The following SVOPL variants were observed in gnomAD, a reference collection of about 807,000 sequenced individuals.
SVOPL encodes SVOP like.
In SVOPL, 60 loss-of-function variants were observed where a neutral mutation model predicts 61.0. The observed-to-expected ratio is 0.98, with a 90% confidence interval of 0.80 to 1.22. The LOEUF is 1.22. Among genes scored for constraint, SVOPL ranks in the 50% most tolerant of loss-of-function variants. The pLI is 0.00. For missense variants in SVOPL, 662 were observed against 643.9 expected (o/e 1.03, Z -0.30); for synonymous variants, 279 against 250.0 (o/e 1.12, Z -1.09).
At position 138,627,441 on chromosome 7, in the gene SVOPL, C is replaced by A; in HGVS notation, c.1090G>T (p.Gly364Cys). The change falls in exon 12 of 16, where the codon GGC (glycine) becomes TGC (cysteine). Residue 364 changes from glycine (G) to cysteine (C), a missense_variant. Coordinates refer to ENST00000674285, the MANE Select transcript of SVOPL (RefSeq NM_001139456.2). Reference protein sequence around the residue: ...EIALNPLNILGINFLGRRLSL... With the variant: ...EIALNPLNILCINFLGRRLSL... ...AGCCGTCTTCCCAGGAAATTGATGCCCAGTATATTTAAAGGATTCACTAGA... is the reference window on the plus strand; with the variant it reads ...AGCCGTCTTCCCAGGAAATTGATGCACAGTATATTTAAAGGATTCACTAGA... 6.2e-7 allele frequency: 1 copy of A among 1,613,502 alleles called. No individual in the cohort carries two copies. Among genetic ancestry groups the A allele is most frequent in the Non-Finnish European group, 8.5e-7 (1 of 1,179,550 alleles).
At chr7:138,634,430 G>A (rs1020841375) in intron 9 of SVOPL, among the ~76,000 whole-genome samples, 1 of 151,594 alleles carries the variant, frequency 6.6e-6, no homozygotes, top group Non-Finnish European at 1.5e-5. Context: ...ATCACCTGGG[G>A]CCAGAAATTT....
chr7:138,691,332 A>T (rs1050638592), intron 1 of SVOPL, among the ~76,000 whole-genome samples: 2 of 152,208 alleles, frequency 1.3e-5, no homozygotes, highest in African/African-American at 2.4e-5. Flanking sequence ...TTCAGTCTTC[A>T]GTCAACATTA....
Position 138,649,127 on chromosome 7 carries a change from A to G in SVOPL, c.545T>C (p.Leu182Pro), listed in dbSNP as rs1191966094. 1 of 1,613,774 alleles carries G rather than the reference A, an allele frequency of 6.2e-7. No individual in the cohort carries two copies. The highest frequency in any genetic ancestry group is 1.7e-5 in the Admixed American group (1 of 59,952). Residue 182 changes from leucine (L) to proline (P), a missense_variant, in exon 8 of 16, where the codon CTT becomes CCT. Coordinates refer to ENST00000674285, the MANE Select transcript of SVOPL (RefSeq NM_001139456.2). The part of the protein sequence containing the change: ...YMLPLSQVFW[L>P]AGSLLIIGLA... ...GCCAATGATGAGCAGGGAGCCCGCA[A>G]GCCAGAACACCTAGGAAGAGAGAAG... is the stretch of plus-strand genomic sequence containing the variant.
In SVOPL at chr7:138,621,834, C is replaced by CTATCTATCTATCTATCTATG. The variant is rs1563095457; in HGVS notation, c.1264-700_1264-699insCATAGATAGATAGATAGATA. Among the ~76,000 whole-genome samples, 5 of 65,240 alleles carry CTATCTATCTATCTATCTATG rather than the reference C, an allele frequency of 7.7e-5. 1 individual carries two copies. Among genetic ancestry groups the CTATCTATCTATCTATCTATG allele is most frequent in the African/African-American group, 2.4e-4 (4 of 16,592 alleles). 42.8% of individuals were successfully genotyped at this position (65,240 alleles called of 152,430 possible). On this transcript the variant is annotated intron_variant, in intron 13 of 15. Coordinates refer to ENST00000674285, the MANE Select transcript of SVOPL (RefSeq NM_001139456.2). ...TCTATGTATCTATGTATCTATGTAT[C>CTATCTATCTATCTATCTATG]TATCTATCTATGTATCTATCTATCT...
At chr7:138,613,691 A>T (rs146569934) in intron 14 of SVOPL, among the ~76,000 whole-genome samples, 2 of 152,182 alleles carry the variant, frequency 1.3e-5, no homozygotes, top group African/African-American at 4.8e-5. Context: ...CACTAATCAC[A>T]ATCTGGAATT....
chr7:138,663,103 G>T lies in SVOPL; in HGVS notation c.316C>A (p.Leu106Ile), dbSNP rs369022425. The T allele has an allele frequency of 1.9e-6, 3 of 1,614,030 alleles. No individual in the cohort carries two copies. The African/African-American group carries it at 4.0e-5, about 22-fold the overall frequency. The change falls in exon 5 of 16, where the codon CTC (leucine) becomes ATC (isoleucine). Residue 106 changes from leucine to isoleucine, a missense_variant. Transcript: ENST00000674285. ...CAGCGGCCATATCTGTCAGCCAGGA[G>T]GCCAAAGAGGATACTGAAAACCATG... is the stretch of plus-strand genomic sequence containing the variant. ...GYMVFSILFG[L>I]LADRYGRWKI...
chr7:138,598,491 G>C (rs1251044589), intron 14 of SVOPL, among the ~76,000 whole-genome samples: 2 of 152,112 alleles, frequency 1.3e-5, no homozygotes, highest in African/African-American at 4.8e-5. Flanking sequence ...ACACTTGTAG[G>C]ACAGGCCACC....
chr7:138,697,184 A>G (rs2117150012), intron 1 of SVOPL, among the ~76,000 whole-genome samples: 1 of 152,322 alleles, frequency 6.6e-6, no homozygotes, highest in Non-Finnish European at 1.5e-5. Context: ...CAGCCTAGGC[A>G]ACAGAGTGAG....
intron 14 of SVOPL, among the ~76,000 whole-genome samples, chr7:138,612,743 G>C (rs527910743): frequency 2.0e-4 from 30 of 152,170 alleles, no homozygotes; most frequent in Non-Finnish European, 3.8e-4. Flanking sequence ...TCGAACTCCT[G>C]ACCTCAGATG....
intron 13 of SVOPL, among the ~76,000 whole-genome samples, chr7:138,622,800 G>T (rs551591665): frequency 7.4e-4 from 112 of 152,228 alleles, no homozygotes; most frequent in Non-Finnish European, 1.2e-3. Context: ...GATATTTATA[G>T]TAAAATCTAA....
At chr7:138,666,949 T>C (rs1163931059) in intron 4 of SVOPL, among the ~76,000 whole-genome samples, 2 of 152,340 alleles carry the variant, frequency 1.3e-5, no homozygotes, top group East Asian at 3.9e-4. Context: ...CACTGGAGAC[T>C]GTCTCTTTCA....
intron 14 of SVOPL, among the ~76,000 whole-genome samples, chr7:138,601,373 A>C (rs1173887623): frequency 1.3e-5 from 2 of 152,156 alleles, no homozygotes; most frequent in Non-Finnish European, 2.9e-5. Flanking sequence ...TCAAGTGTCC[A>C]CCAACAGATG....
At chr7:138,597,576 TA>T (rs34853135) in intron 14 of SVOPL, among the ~76,000 whole-genome samples, 113,537 of 151,880 alleles carry the variant, frequency 0.75, 43,437 homozygotes, top group African/African-American at 0.89. Context: ...TGACAGGTAC[TA>T]ATGCTGATTT....
chr7:138,670,141 T>C (rs1205578848), intron 4 of SVOPL, among the ~76,000 whole-genome samples: 2 of 152,224 alleles, frequency 1.3e-5, no homozygotes, highest in Non-Finnish European at 2.9e-5. Flanking sequence ...AAATCCATTT[T>C]GGCTTTAACT....
At chr7:138,660,040 A>C (rs1801935799) in intron 5 of SVOPL, 52 bp from the exon 6 acceptor site, 1 of 1,544,564 alleles carries the variant, frequency 6.5e-7, no homozygotes, top group Non-Finnish European at 8.8e-7. Flanking sequence ...GCGGGGAGGG[A>C]AGAAGCCCTA....
intron 10 of SVOPL, 23 bp from the exon 11 acceptor site, chr7:138,628,386 A>C: frequency 1.2e-6 from 2 of 1,611,234 alleles, no homozygotes; most frequent in Non-Finnish European, 1.7e-6. Flanking sequence ...AAACAAAGTC[A>C]CTAGCCAACG....
At chr7:138,660,083 A>T in intron 5 of SVOPL, 95 bp from the exon 6 acceptor site, 1 of 1,507,680 alleles carries the variant, frequency 6.6e-7, no homozygotes, top group East Asian at 2.5e-5. Context: ...TTCCATCCTG[A>T]TAGTTGCTTC....
chr7:138,661,419 C>T (rs559331969), intron 5 of SVOPL: 20 of 985,200 alleles, frequency 2.0e-5, no homozygotes, highest in Middle Eastern at 5.2e-4. Context: ...TCAGAACAGT[C>T]TGAGGAATGT....
chr7:138,618,697 C>T (rs112478558), intron 14 of SVOPL, among the ~76,000 whole-genome samples: 5 of 135,154 alleles, frequency 3.7e-5, no homozygotes, highest in Admixed American at 1.5e-4. Flanking sequence ...TGAGAGCACG[C>T]GTGCACACGC....
Sources: allele counts gnomAD v4.1 joint callset (sites outside exome capture counted in the v4.1 genomes callset), GRCh38; gene constraint gnomAD v4.1.1; transcripts MANE v1.5; gene names NCBI Gene and HGNC (gene_info 2026-07-23, HGNC 2026-07-21).